CASQ2: variants seen among roughly 807,000 people sequenced by gnomAD.
CASQ2 encodes the protein calsequestrin-2.
Under a neutral mutation model 46.5 loss-of-function variants are expected in CASQ2, and 49 were observed. The ratio of observed to expected loss-of-function variants is 1.05; its 90% confidence interval spans 0.84 to 1.34. CASQ2 has a LOEUF of 1.34. Ranked by LOEUF, CASQ2 falls within the 40% of genes most tolerant of loss-of-function variation. The pLI, the probability that CASQ2 is intolerant of heterozygous loss-of-function variation, is 0.00. For synonymous variants in CASQ2, 174 were observed against 168.5 expected, an observed-to-expected ratio of 1.03 and a Z score of -0.25; for missense variants, 486 against 481.3, an observed-to-expected ratio of 1.01 and a Z score of -0.09.
At chr1:115,766,069 C>T (rs1028938385) in intron 1 of CASQ2, among the ~76,000 whole-genome samples, 1 of 152,196 alleles carries the variant, frequency 6.6e-6, no homozygotes, top group Non-Finnish European at 1.5e-5. Flanking sequence ...CTAATGGAGC[C>T]CAGGCCTCCT....
chr1:115,750,160 C>T (rs1356301771), intron 1 of CASQ2, among the ~76,000 whole-genome samples: 1 of 152,190 alleles, frequency 6.6e-6, no homozygotes, highest in African/African-American at 2.4e-5. Flanking sequence ...GAGTTAGAAG[C>T]ACTTGTCATC....
At chr1:115,760,739 T>A (rs542992860) in intron 1 of CASQ2, among the ~76,000 whole-genome samples, 38 of 152,322 alleles carry the variant, frequency 2.5e-4, no homozygotes, top group African/African-American at 9.1e-4. Context: ...TAAAACTCCT[T>A]ATGTGGTTCT....
Position 115,744,855 on chromosome 1 carries a change from T to G in CASQ2, c.292A>C (p.Lys98Gln). The G allele has an allele frequency of 1.2e-6, 2 of 1,613,970 alleles. No homozygotes were observed. The highest frequency in any genetic ancestry group is 1.7e-6 in the Non-Finnish European group (2 of 1,179,872). The change falls in exon 2 of 11, where the codon AAA becomes CAA. Residue 98 changes from lysine to glutamine, a missense_variant. By Grantham distance (53) the Lys-to-Gln change is moderately conservative. Coordinates refer to ENST00000261448, the MANE Select transcript of CASQ2 (RefSeq NM_001232.4). ...AIGFVMVDAK[K>Q]EAKLAKKLGF... ...AGTTTCTTGGCAAGCTTGGCTTCTTTCTTGGCATCCACCATCACAAAGCCT... is the reference window on the plus strand; with the variant it reads ...AGTTTCTTGGCAAGCTTGGCTTCTTGCTTGGCATCCACCATCACAAAGCCT...
chr1:115,702,064 A>C (rs934426924), intron 10 of CASQ2, among the ~76,000 whole-genome samples: 5 of 152,106 alleles, frequency 3.3e-5, no homozygotes, highest in Non-Finnish European at 7.3e-5. Context: ...CTGGTGTTAC[A>C]GGCACCCATG....
chr1:115,733,411 C>T (rs943760428), intron 4 of CASQ2, among the ~76,000 whole-genome samples: 5 of 152,192 alleles, frequency 3.3e-5, no homozygotes, highest in East Asian at 1.9e-4. Flanking sequence ...TGTAAAGTAA[C>T]CTCAATCACA....
chr1:115,750,207 A>G (rs951851153), intron 1 of CASQ2, among the ~76,000 whole-genome samples: 16 of 152,222 alleles, frequency 1.1e-4, no homozygotes, highest in African/African-American at 2.9e-4. Flanking sequence ...GTGAGAAAAA[A>G]AGGTAGAGTC....
intron 1 of CASQ2, among the ~76,000 whole-genome samples, chr1:115,746,016 A>C (rs1213530968): frequency 2.6e-5 from 4 of 152,258 alleles, no homozygotes; most frequent in Non-Finnish European, 5.9e-5. Flanking sequence ...GCAACCACTA[A>C]TTTGTTGTCC....
chr1:115,702,517 G>A (rs914293267), intron 10 of CASQ2, among the ~76,000 whole-genome samples: 10 of 152,242 alleles, frequency 6.6e-5, no homozygotes, highest in African/African-American at 2.4e-4. Flanking sequence ...TGCCTGTAGA[G>A]TAGTTGCCTG....
chr1:115,766,186 C>T (rs1649128127), intron 1 of CASQ2, among the ~76,000 whole-genome samples: 1 of 152,202 alleles, frequency 6.6e-6, no homozygotes, highest in African/African-American at 2.4e-5. Flanking sequence ...CTGAGCAACT[C>T]TGTTTAAGGA....
In CASQ2 at chr1:115,700,917, G is replaced by A. The variant is rs1654184372; in HGVS notation, c.*324C>T. On this transcript the variant is annotated 3_prime_UTR_variant, in exon 11 of 11. Transcript: ENST00000261448. Reference sequence around the variant, plus strand: ...ATCAAAGACAAGTAAACTTGTGTTAGGGGATTGTTCACCCTAGACTGCCAT... The same window carrying A: ...ATCAAAGACAAGTAAACTTGTGTTAAGGGATTGTTCACCCTAGACTGCCAT... 1.7e-6 allele frequency: 1 copy of A among 596,556 alleles called. No homozygotes were observed. Among genetic ancestry groups the A allele is most frequent in the Non-Finnish European group, 3.0e-6 (1 of 336,388 alleles). 37.0% of individuals were successfully genotyped at this position (596,556 alleles called of 1,614,324 possible). A position where few individuals can be genotyped will look rare whatever the true frequency, so the allele number is the denominator to read the frequency against.
At chr1:115,703,587 T>C (rs969475391) in intron 9 of CASQ2, among the ~76,000 whole-genome samples, 2 of 151,998 alleles carry the variant, frequency 1.3e-5, no homozygotes, top group Admixed American at 6.6e-5. Flanking sequence ...GAAATCAGAA[T>C]AGTCTGAAGA....
At chr1:115,755,126 G>T (rs1208673870) in intron 1 of CASQ2, among the ~76,000 whole-genome samples, 2 of 152,222 alleles carry the variant, frequency 1.3e-5, no homozygotes, top group African/African-American at 4.8e-5. Context: ...ATTTTGCCAT[G>T]TCCAAACTGA....
At chr1:115,756,680 C>T (rs1158082785) in intron 1 of CASQ2, among the ~76,000 whole-genome samples, 1 of 152,158 alleles carries the variant, frequency 6.6e-6, no homozygotes, top group African/African-American at 2.4e-5. Context: ...GGCATGGTGG[C>T]GTGTGCCTGT....
chr1:115,752,212 A>G (rs6683952), intron 1 of CASQ2, among the ~76,000 whole-genome samples: 8,504 of 151,920 alleles, frequency 0.056, 822 homozygotes, highest in African/African-American at 0.19. Context: ...CCCAATCTCA[A>G]TTTTTCCCTT....
intron 8 of CASQ2, 51 bp from the exon 9 acceptor site, chr1:115,705,343 T>C (rs1654327142): frequency 8.6e-7 from 1 of 1,167,502 alleles, no homozygotes; most frequent in Non-Finnish European, 1.3e-6. Context: ...ACACAGCTTC[T>C]AATGTGGAGA....
chr1:115,748,004 C>G (rs1167787238), intron 1 of CASQ2, among the ~76,000 whole-genome samples: 3 of 152,070 alleles, frequency 2.0e-5, no homozygotes, highest in Non-Finnish European at 4.4e-5. Context: ...GTAAGAATGT[C>G]TTGTTTTCTT....
chr1:115,700,790 T>C lies in CASQ2; in HGVS notation c.*451A>G, dbSNP rs771699230. ...GGGATCCCAACTGATGTTCGAGGTA[T>C]GGAGGGAGCTAAATCATTAATCATG... On this transcript the variant is annotated 3_prime_UTR_variant, in exon 11 of 11. Transcript: ENST00000261448. 1.1e-5 allele frequency: 5 copies of C among 476,100 alleles called. No individual in the cohort carries two copies. Among genetic ancestry groups the C allele is most frequent in the Admixed American group, 3.7e-5 (1 of 26,748 alleles). 29.5% of individuals were successfully genotyped at this position (476,100 alleles called of 1,614,324 possible). A position where few individuals can be genotyped will look rare whatever the true frequency, so the allele number is the denominator to read the frequency against.
intron 7 of CASQ2, among the ~76,000 whole-genome samples, chr1:115,719,064 G>T (rs1647271796): frequency 6.6e-6 from 1 of 152,110 alleles, no homozygotes; most frequent in South Asian, 2.1e-4. Flanking sequence ...CATTTCAATT[G>T]ATTTTAATGC....
chr1:115,718,850 G>T (rs1306932666), intron 7 of CASQ2, among the ~76,000 whole-genome samples: 1 of 152,174 alleles, frequency 6.6e-6, no homozygotes, highest in African/African-American at 2.4e-5. Flanking sequence ...GCTAGAGCTT[G>T]GAAGGGGCTC....
Sources: allele counts gnomAD v4.1 joint callset (sites outside exome capture counted in the v4.1 genomes callset), GRCh38; gene constraint gnomAD v4.1.1; transcripts MANE v1.5; gene names NCBI Gene and HGNC (gene_info 2026-07-23, HGNC 2026-07-21).